The following ABTB3 variants were observed in gnomAD, a reference collection of about 807,000 sequenced individuals.
ABTB3 encodes ankyrin repeat and BTB domain containing 3.
the ABTB3 span, among the ~76,000 whole-genome samples, chr12:107,378,737 C>CA: frequency 6.6e-6 from 1 of 152,196 alleles, no homozygotes; most frequent in Non-Finnish European, 1.5e-5. Context: ...CCCAAACCTA[C>CA]AACTGTGCTG....
chr12:107,521,715 A>G, the ABTB3 span, among the ~76,000 whole-genome samples: 1 of 16,296 alleles, frequency 6.1e-5, no homozygotes, highest in Non-Finnish European at 1.2e-4. Context: ...CCTCCACCCC[A>G]CCTCTGTCCC....
chr12:107,656,538 A>G, the ABTB3 span, among the ~76,000 whole-genome samples: 3 of 152,278 alleles, frequency 2.0e-5, no homozygotes, highest in Non-Finnish European at 4.4e-5. Flanking sequence ...TTTGGCCTTC[A>G]GGCCTATAGT....
At chr12:107,658,507 C>G in the ABTB3 span, 1 of 152,592 alleles carries the variant, frequency 6.6e-6, no homozygotes, top group Non-Finnish European at 1.5e-5. Flanking sequence ...TGAAAGCAAC[C>G]TGCATGCTAA....
chr12:107,401,747 T>C, the ABTB3 span, among the ~76,000 whole-genome samples: 2 of 152,186 alleles, frequency 1.3e-5, no homozygotes, highest in African/African-American at 2.4e-5. Flanking sequence ...AATTCCTGAC[T>C]GACGAAATTC....
the ABTB3 span, among the ~76,000 whole-genome samples, chr12:107,517,726 A>G: frequency 1.3e-5 from 2 of 152,198 alleles, no homozygotes; most frequent in African/African-American, 4.8e-5. Context: ...TGTCTAAAAC[A>G]CCAAAAGCAA....
chr12:107,325,221 G>T, the ABTB3 span, among the ~76,000 whole-genome samples: 1 of 152,204 alleles, frequency 6.6e-6, no homozygotes, highest in Admixed American at 6.5e-5. Context: ...GGCTTGGAGG[G>T]TAGGTTGGTT....
the ABTB3 span, among the ~76,000 whole-genome samples, chr12:107,347,644 G>A: frequency 6.6e-6 from 1 of 152,132 alleles, no homozygotes; most frequent in African/African-American, 2.4e-5. Context: ...GCTTCCAAGA[G>A]TCAGGAGTTA....
the ABTB3 span, among the ~76,000 whole-genome samples, chr12:107,393,878 C>T: frequency 2.0e-5 from 3 of 151,790 alleles, no homozygotes; most frequent in African/African-American, 7.3e-5. Context: ...TGCAGTGGGC[C>T]GAGATCGCAC....
At chr12:107,621,442 G>A in the ABTB3 span, among the ~76,000 whole-genome samples, 2 of 143,796 alleles carry the variant, frequency 1.4e-5, no homozygotes, top group Non-Finnish European at 3.0e-5. Context: ...CATTCCCAGG[G>A]TCTGGGTTCT....
chr12:107,475,021 C>G, the ABTB3 span, among the ~76,000 whole-genome samples: 1 of 152,290 alleles, frequency 6.6e-6, no homozygotes, highest in Admixed American at 6.5e-5. Flanking sequence ...TTCTTTGGCT[C>G]TCCCAGTACT....
At chr12:107,340,199 T>G in the ABTB3 span, among the ~76,000 whole-genome samples, 2 of 152,064 alleles carry the variant, frequency 1.3e-5, no homozygotes, top group Non-Finnish European at 2.9e-5. Flanking sequence ...TGTGTTGGAG[T>G]TGATAATTTT....
the ABTB3 span, among the ~76,000 whole-genome samples, chr12:107,499,404 C>A: frequency 6.6e-6 from 1 of 151,686 alleles, no homozygotes; most frequent in Middle Eastern, 3.4e-3. Flanking sequence ...TGCCTGTGTG[C>A]AAACTTCAGA....
chr12:107,366,784 T>C, the ABTB3 span, among the ~76,000 whole-genome samples: 1 of 152,174 alleles, frequency 6.6e-6, no homozygotes, highest in Non-Finnish European at 1.5e-5. Flanking sequence ...TTTTAATGCA[T>C]GAGAAGGAAA....
At chr12:107,493,348 A>G in the ABTB3 span, among the ~76,000 whole-genome samples, 1 of 152,172 alleles carries the variant, frequency 6.6e-6, no homozygotes, top group Non-Finnish European at 1.5e-5. Flanking sequence ...GGGGCAGGGC[A>G]TACCTTCTGT....
At chr12:107,495,535 C>T in the ABTB3 span, among the ~76,000 whole-genome samples, 16 of 152,324 alleles carry the variant, frequency 1.1e-4, no homozygotes, top group Admixed American at 6.5e-5. Flanking sequence ...CCATCCCTAA[C>T]GGGGGCCAGA....
the ABTB3 span, among the ~76,000 whole-genome samples, chr12:107,332,075 T>TG: frequency 6.6e-6 from 1 of 152,186 alleles, no homozygotes; most frequent in East Asian, 1.9e-4. Flanking sequence ...GAGCGTGTGC[T>TG]GGGGTAGGAA....
chr12:107,367,389 T>C, the ABTB3 span, among the ~76,000 whole-genome samples: 1 of 152,224 alleles, frequency 6.6e-6, no homozygotes, highest in Non-Finnish European at 1.5e-5. Flanking sequence ...TCCTTTTTGT[T>C]TTGGATCTTG....
At chr12:107,374,379 G>A in the ABTB3 span, among the ~76,000 whole-genome samples, 2 of 152,140 alleles carry the variant, frequency 1.3e-5, no homozygotes, top group African/African-American at 2.4e-5. Context: ...GCCCTTCGAG[G>A]CTGGGTTTGA....
At chr12:107,486,449 T>A in the ABTB3 span, 1 of 152,118 alleles carries the variant, frequency 6.6e-6, no homozygotes, top group Non-Finnish European at 1.5e-5. Flanking sequence ...ATCTGGCCCT[T>A]TATAGAAAAA....
Sources: gnomAD v4.1 joint callset for allele counts (sites outside exome capture counted in the v4.1 genomes callset) on GRCh38, gnomAD v4.1.1 for gene constraint, MANE v1.5 for transcripts, NCBI Gene and HGNC (gene_info 2026-07-23, HGNC 2026-07-21) for gene names.